Variants in DAPK1 observed in about 807,000 individuals in gnomAD.
The protein encoded by DAPK1 is death associated protein kinase 1.
A neutral mutation model predicts 144.9 loss-of-function variants in DAPK1; 56 were observed. That is an observed-to-expected ratio of 0.39 (90% CI 0.31 to 0.48). DAPK1 has a LOEUF of 0.48. DAPK1 is among the 20% of genes least tolerant of loss of function. The pLI is 0.95. For missense variants in DAPK1, 1,454 were observed against 1,875.4 expected (o/e 0.78, Z 4.15); for synonymous variants, 690 against 749.0 (o/e 0.92, Z 1.29).
At chr9:87,697,356 A>G (rs1012761419) in intron 22 of DAPK1, 152 bp downstream of exon 22, 36 of 619,490 alleles carry the variant, frequency 5.8e-5, no homozygotes, top group African/African-American at 5.0e-4. Flanking sequence ...CTAACAGCTG[A>G]GCCAACTTCC....
At chr9:87,528,553 G>A (rs1196737569) in intron 2 of DAPK1, among the ~76,000 whole-genome samples, 1 of 152,076 alleles carries the variant, frequency 6.6e-6, no homozygotes, top group African/African-American at 2.4e-5. Context: ...TTCCTGGAAT[G>A]CTCTTGCTCC....
rs375211286 is a variant in DAPK1, at chr9:87,559,775, C to T, written c.63-45179C>T. Reference sequence around the variant, plus strand: ...AGCAGGCGAATGTCTACAATAGTCCCGGGTGTTGGAAAGGACTCTGGTGTG... The same window carrying T: ...AGCAGGCGAATGTCTACAATAGTCCTGGGTGTTGGAAAGGACTCTGGTGTG... On this transcript the variant is annotated intron_variant, in intron 2 of 25. Coordinates refer to ENST00000408954, the MANE Select transcript of DAPK1 (RefSeq NM_004938.4). 1.9e-4 allele frequency among the ~76,000 whole-genome samples: 29 copies of T among 152,206 alleles called. No individual in the cohort carries two copies. The East Asian group carries it at 3.9e-3, about 20-fold the overall frequency.
intron 5 of DAPK1, 33 bp from the exon 6 acceptor site, chr9:87,639,617 T>G (rs1199272336): frequency 1.2e-6 from 2 of 1,613,774 alleles, no homozygotes; most frequent in Non-Finnish European, 1.7e-6. Flanking sequence ...GTTTGCTTCC[T>G]CCCAAGCTAA....
intron 2 of DAPK1, among the ~76,000 whole-genome samples, chr9:87,521,255 A>G (rs1411314796): frequency 6.6e-6 from 1 of 152,162 alleles, no homozygotes; most frequent in East Asian, 1.9e-4. Flanking sequence ...ATTCCTGAAA[A>G]ATGAACAGTT....
chr9:87,661,080 T>C (rs1316112775), intron 18 of DAPK1, among the ~76,000 whole-genome samples: 1 of 152,222 alleles, frequency 6.6e-6, no homozygotes, highest in East Asian at 1.9e-4. Context: ...CCTTGTGATC[T>C]GCCCACCTTG....
At chr9:87,580,051 A>C (rs1234371978) in intron 2 of DAPK1, among the ~76,000 whole-genome samples, 4 of 152,144 alleles carry the variant, frequency 2.6e-5, no homozygotes, top group Admixed American at 6.5e-5. Context: ...TGTATGAAAA[A>C]CAGTCCATGG....
At chr9:87,569,033 C>A (rs1055202382) in intron 2 of DAPK1, among the ~76,000 whole-genome samples, 1 of 147,596 alleles carries the variant, frequency 6.8e-6, no homozygotes, top group African/African-American at 2.5e-5. Context: ...AGAGGAAATT[C>A]TCCAGGTCAC....
intron 20 of DAPK1, chr9:87,681,865 C>A: frequency 1.8e-6 from 1 of 571,150 alleles, no homozygotes; most frequent in Non-Finnish European, 3.1e-6. Context: ...ATCACAGCCA[C>A]AGACACAAAG....
rs1262381892 is a variant in DAPK1 at position 87,639,335 on chromosome 9, T to A, written c.424-19T>A. 1.3e-6 allele frequency: 2 copies of A among 1,582,854 alleles called. No homozygotes were observed. Among genetic ancestry groups the A allele is most frequent in the African/African-American group, 2.7e-5 (2 of 72,836 alleles). ...ATAACATATCATAGCTTTTTATTTA[T>A]CTCTCTCTTTTTTTCAAGCCTGAGA... On this transcript the variant is annotated intron_variant, in intron 4 of 25. Transcript: ENST00000408954.
chr9:87,563,242 T>G (rs1260007873), intron 2 of DAPK1, among the ~76,000 whole-genome samples: 1 of 152,178 alleles, frequency 6.6e-6, no homozygotes, highest in Non-Finnish European at 1.5e-5. Flanking sequence ...AGTCAACCAA[T>G]CCACACAAAT....
At chr9:87,632,739 T>C (rs1246810687) in intron 3 of DAPK1, 4 of 976,888 alleles carry the variant, frequency 4.1e-6, no homozygotes, top group Non-Finnish European at 4.9e-6. Context: ...AGGGTGAGTA[T>C]ATATGTAGGG....
intron 2 of DAPK1, among the ~76,000 whole-genome samples, chr9:87,554,862 C>A (rs1165057148): frequency 6.6e-6 from 1 of 152,234 alleles, no homozygotes; most frequent in Non-Finnish European, 1.5e-5. Context: ...TGGCTTCAGC[C>A]AGTTCTCCTG....
intron 2 of DAPK1, among the ~76,000 whole-genome samples, chr9:87,511,715 GTT>G (rs72230231): frequency 2.3e-4 from 33 of 146,184 alleles, no homozygotes; most frequent in African/African-American, 8.3e-4. Flanking sequence ...TCTGTGGTTT[GTT>G]TTTTTTTCTC....
Position 87,649,937 on chromosome 9 carries a change from T to C in DAPK1, c.1445T>C (p.Leu482Pro). 6.2e-7 allele frequency: 1 copy of C among 1,614,170 alleles called. No homozygotes were observed. The highest frequency in any genetic ancestry group is 8.5e-7 in the Non-Finnish European group (1 of 1,180,020). ...CTTGGCCAGGAAGAAGAAACCCCCC[T>C]GCACTGTGCTGCTTGGCACGGCTAT... ...NIQDKEEETP[L>P]HCAAWHGYYS... Residue 482 changes from leucine (L) to proline (P), a missense_variant, in exon 16 of 26, where the codon CTG becomes CCG. Leu to Pro is a moderately conservative substitution (Grantham distance 98). Around this residue, in one of 2 missense-constraint regions of DAPK1, gnomAD observed 429 missense variants for 637.5 expected, o/e 0.67. Transcript: ENST00000408954.
At chr9:87,652,865 G>T in intron 17 of DAPK1, among the ~76,000 whole-genome samples, 1 of 134,020 alleles carries the variant, frequency 7.5e-6, no homozygotes, top group African/African-American at 3.3e-5. Flanking sequence ...CCATCCCCCC[G>T]ATCCCGGGTC....
At chr9:87,648,664 G>A (rs1830343613) in intron 14 of DAPK1, 117 bp from the exon 15 acceptor site, 6 of 889,294 alleles carry the variant, frequency 6.7e-6, no homozygotes, top group Admixed American at 2.0e-5. Flanking sequence ...AGGTGGGTGG[G>A]TGGAACCAAA....
intron 2 of DAPK1, among the ~76,000 whole-genome samples, chr9:87,522,558 A>G (rs900057722): frequency 1.1e-4 from 17 of 152,124 alleles, no homozygotes; most frequent in Non-Finnish European, 1.9e-4. Context: ...CTGTCTGTGA[A>G]CTTCTAGGAT....
intron 2 of DAPK1, among the ~76,000 whole-genome samples, chr9:87,584,160 A>G (rs548385864): frequency 6.6e-6 from 1 of 152,366 alleles, no homozygotes; most frequent in East Asian, 1.9e-4. Context: ...TAATGTATGC[A>G]TTACCTCACA....
At chr9:87,497,641 T>G, upstream of DAPK1, 3 of 160,356 alleles carry the variant, frequency 1.9e-5, no homozygotes, top group Non-Finnish European at 2.7e-5. Context: ...CCGGCCGGCG[T>G]GGGTGTGGGG....
Sources: allele counts gnomAD v4.1 joint callset (sites outside exome capture counted in the v4.1 genomes callset), GRCh38; gene constraint gnomAD v4.1.1; regional missense constraint gnomAD v4.1.1; transcripts MANE v1.5; gene names NCBI Gene and HGNC (gene_info 2026-07-23, HGNC 2026-07-21).